The following ANK3 variants were observed in gnomAD, a reference collection of about 807,000 sequenced individuals.
ANK3 encodes ankyrin 3, also known as ankyrin-3.
A neutral mutation model predicts 370.9 loss-of-function variants in ANK3; 57 were observed. The ratio of observed to expected loss-of-function variants is 0.15; its 90% confidence interval spans 0.12 to 0.19. The LOEUF (loss-of-function observed/expected upper bound fraction) is 0.19. ANK3 is among the 10% of genes least tolerant of loss of function. The pLI, the probability that ANK3 is intolerant of heterozygous loss-of-function variation, is 1.00. For missense variants in ANK3, 4,439 were observed against 5,302.1 expected (o/e 0.84, Z 5.06); for synonymous variants, 1,929 against 1,946.3 (o/e 0.99, Z 0.23).
At chr10:60,655,925 T>G (rs945386162) in intron 1 of ANK3, among the ~76,000 whole-genome samples, 12 of 152,210 alleles carry the variant, frequency 7.9e-5, no homozygotes, top group African/African-American at 2.9e-4. Flanking sequence ...TTCATTACAG[T>G]AACATGCTAC....
At chr10:60,491,941 T>C (rs1485131032) in intron 2 of ANK3, among the ~76,000 whole-genome samples, 1 of 152,194 alleles carries the variant, frequency 6.6e-6, no homozygotes, top group Non-Finnish European at 1.5e-5. Flanking sequence ...TCTGGTGATA[T>C]ATACGGTCAT....
At chr10:60,200,668 A>G (rs1031453238) in intron 12 of ANK3, among the ~76,000 whole-genome samples, 4 of 145,096 alleles carry the variant, frequency 2.8e-5, no homozygotes, top group Admixed American at 2.2e-4. Flanking sequence ...CAGCCTTACC[A>G]TGCCACACCA....
chr10:60,283,057 T>C (rs2098189016), intron 1 of ANK3, among the ~76,000 whole-genome samples: 1 of 152,218 alleles, frequency 6.6e-6, no homozygotes, highest in Non-Finnish European at 1.5e-5. Context: ...TACACATTGG[T>C]GGAACAAAAT....
intron 1 of ANK3, among the ~76,000 whole-genome samples, chr10:60,709,959 T>C (rs1462923714): frequency 6.6e-6 from 1 of 152,214 alleles, no homozygotes; most frequent in Non-Finnish European, 1.5e-5. Context: ...TCTGAAATGA[T>C]GGGCAGCCAC....
intron 23 of ANK3, among the ~76,000 whole-genome samples, chr10:60,152,548 C>T (rs1437005290): frequency 6.6e-6 from 1 of 152,092 alleles, no homozygotes; most frequent in African/African-American, 2.4e-5. Context: ...TCACACAGGA[C>T]TTACTAATCA....
chr10:60,318,424 C>T (rs1036392904), intron 1 of ANK3, among the ~76,000 whole-genome samples: 3 of 152,168 alleles, frequency 2.0e-5, no homozygotes, highest in African/African-American at 4.8e-5. Context: ...ATCAGACTCT[C>T]AAATCAATGG....
chr10:60,525,161 T>C (rs1181240172), intron 2 of ANK3, among the ~76,000 whole-genome samples: 5 of 152,116 alleles, frequency 3.3e-5, no homozygotes, highest in African/African-American at 4.8e-5. Flanking sequence ...ACAGTTTCCA[T>C]ATGTAAACAG....
intron 1 of ANK3, among the ~76,000 whole-genome samples, chr10:60,661,640 C>G (rs1406408202): frequency 6.6e-6 from 1 of 152,114 alleles, no homozygotes; most frequent in East Asian, 1.9e-4. Flanking sequence ...TTTTAAGCCT[C>G]CAGCACCGTG....
At chr10:60,512,414 G>A (rs2076109156) in intron 2 of ANK3, among the ~76,000 whole-genome samples, 1 of 152,118 alleles carries the variant, frequency 6.6e-6, no homozygotes, top group Non-Finnish European at 1.5e-5. Context: ...AAGCACTACT[G>A]ATTTTAAGTG....
intron 2 of ANK3, among the ~76,000 whole-genome samples, chr10:60,607,742 AG>A (rs1378718570): frequency 6.6e-6 from 1 of 152,242 alleles, no homozygotes; most frequent in Non-Finnish European, 1.5e-5. Context: ...TTTGCTGGTT[AG>A]AATGCAAATC....
At chr10:60,114,990 GGA>G (rs1233267176) in intron 25 of ANK3, among the ~76,000 whole-genome samples, 1 of 152,190 alleles carries the variant, frequency 6.6e-6, no homozygotes, top group African/African-American at 2.4e-5. Context: ...AGAAAAGCCA[GGA>G]GAGTTTTGGT....
intron 16 of ANK3, among the ~76,000 whole-genome samples, chr10:60,187,407 G>A (rs1003449729): frequency 2.0e-5 from 3 of 151,978 alleles, no homozygotes; most frequent in Admixed American, 6.6e-5. Context: ...CACCTGCCTC[G>A]GCCTCCCAAA....
chr10:60,257,397 C>T (rs1456690149), intron 7 of ANK3, among the ~76,000 whole-genome samples: 2 of 152,214 alleles, frequency 1.3e-5, no homozygotes, highest in Non-Finnish European at 2.9e-5. Context: ...CACAGTCTCT[C>T]AGCTTCTCTG....
intron 2 of ANK3, among the ~76,000 whole-genome samples, chr10:60,465,064 C>T (rs571875482): frequency 1.2e-4 from 19 of 152,136 alleles, no homozygotes; most frequent in African/African-American, 3.9e-4. Context: ...CCCAGGAGTT[C>T]GAGGCCAGCC....
chr10:60,590,271 C>T (rs1335197041), intron 2 of ANK3, among the ~76,000 whole-genome samples: 1 of 152,196 alleles, frequency 6.6e-6, no homozygotes, highest in Non-Finnish European at 1.5e-5. Flanking sequence ...GTAAAATACA[C>T]ACTGGACACT....
intron 1 of ANK3, among the ~76,000 whole-genome samples, chr10:60,661,283 T>C (rs546242872): frequency 2.6e-5 from 4 of 152,212 alleles, no homozygotes; most frequent in African/African-American, 9.6e-5. Flanking sequence ...AGTATATTTA[T>C]ACTTCCAATT....
At chr10:60,520,987 G>GT (rs2076333802) in intron 2 of ANK3, among the ~76,000 whole-genome samples, 1 of 151,448 alleles carries the variant, frequency 6.6e-6, no homozygotes, top group Non-Finnish European at 1.5e-5. Flanking sequence ...TCTATCTTGA[G>GT]TACTGTTTCA....
intron 2 of ANK3, among the ~76,000 whole-genome samples, chr10:60,395,645 TC>T (rs2063221739): frequency 1.3e-5 from 2 of 151,178 alleles, no homozygotes; most frequent in South Asian, 2.1e-4. Flanking sequence ...TCTCTCTCTC[TC>T]TCTCTTTCTT....
At chr10:60,388,027 G>T (rs2062657652) in intron 1 of ANK3, among the ~76,000 whole-genome samples, 1 of 152,038 alleles carries the variant, frequency 6.6e-6, no homozygotes, top group Non-Finnish European at 1.5e-5. Context: ...GGGGCAAGTG[G>T]TAGTGACCTA....
Sources: gnomAD v4.1 joint callset for allele counts (sites outside exome capture counted in the v4.1 genomes callset) on GRCh38, gnomAD v4.1.1 for gene constraint, MANE v1.5 for transcripts, NCBI Gene and HGNC (gene_info 2026-07-23, HGNC 2026-07-21) for gene names.